Variants in NCALD observed in about 807,000 individuals in gnomAD.
The protein encoded by NCALD is neurocalcin-delta.
Under a neutral mutation model 18.6 loss-of-function variants are expected in NCALD, and 10 were observed. The ratio of observed to expected loss-of-function variants is 0.54; its 90% CI spans 0.33 to 0.91. The LOEUF is 0.91. Ranked by LOEUF, NCALD falls within the 40% of genes least tolerant of loss-of-function variation. The pLI, the probability that NCALD is intolerant of heterozygous loss-of-function variation, is 0.03. For missense variants in NCALD, 184 were observed against 247.6 expected, an observed-to-expected ratio of 0.74 and a Z score of 1.72; for synonymous variants, 88 against 87.4, an observed-to-expected ratio of 1.01 and a Z score of -0.04.
At chr8:101,992,294 T>A (rs1821077386) in intron 2 of NCALD, among the ~76,000 whole-genome samples, 1 of 152,210 alleles carries the variant, frequency 6.6e-6, no homozygotes, top group Non-Finnish European at 1.5e-5. Flanking sequence ...ACTTGATAAG[T>A]AACAGTATAT....
In NCALD at chr8:101,987,746, G is replaced by T. The variant is rs190978715; in HGVS notation, c.-157+32491C>A. On this transcript the variant is annotated intron_variant, in intron 2 of 6. Transcript: ENST00000311028. ...CTTTCCACCGACCTTGTCAAAACAC[G>T]CCTTTTCCATCACGAGAAGTAATAA... Among the ~76,000 whole-genome samples the T allele has an allele frequency of 3.9e-4, 60 of 152,094 alleles. 1 individual carries two copies. The highest frequency in any genetic ancestry group is 1.4e-3 in the African/African-American group (58 of 41,464).
chr8:102,045,104 C>A (rs1340611554), intron 1 of NCALD, among the ~76,000 whole-genome samples: 1 of 152,218 alleles, frequency 6.6e-6, no homozygotes, highest in Non-Finnish European at 1.5e-5. Flanking sequence ...TACAGTAATG[C>A]ACTGCTGCCA....
At chr8:101,803,996 T>A (rs1812964725) in intron 4 of NCALD, among the ~76,000 whole-genome samples, 1 of 152,152 alleles carries the variant, frequency 6.6e-6, no homozygotes, top group South Asian at 2.1e-4. Context: ...GTTGTCTTAT[T>A]TTAAGAAATA....
chr8:101,959,339 C>T (rs1256186488), intron 2 of NCALD, among the ~76,000 whole-genome samples: 4 of 152,086 alleles, frequency 2.6e-5, no homozygotes, highest in Non-Finnish European at 1.5e-5. Flanking sequence ...TCTATCTGGA[C>T]TTTGCAGGTG....
chr8:101,799,706 C>T (rs548560244), intron 4 of NCALD, among the ~76,000 whole-genome samples: 1 of 152,268 alleles, frequency 6.6e-6, no homozygotes, highest in South Asian at 2.1e-4. Context: ...ACTTCCGTAA[C>T]ATTCTTGAAA....
At chr8:101,801,767 C>T (rs1212841502) in intron 4 of NCALD, among the ~76,000 whole-genome samples, 5 of 148,146 alleles carry the variant, frequency 3.4e-5, no homozygotes, top group Admixed American at 1.4e-4. Context: ...CCCGGGTTCA[C>T]GCCATTCTCC....
intron 4 of NCALD, among the ~76,000 whole-genome samples, chr8:101,879,096 T>A (rs1337521034): frequency 6.6e-6 from 1 of 152,230 alleles, no homozygotes; most frequent in African/African-American, 2.4e-5. Context: ...AGTAAACTCA[T>A]CTCATTGAAT....
chr8:101,967,586 C>T (rs766226227), intron 2 of NCALD, among the ~76,000 whole-genome samples: 4 of 152,178 alleles, frequency 2.6e-5, no homozygotes, highest in Non-Finnish European at 5.9e-5. Context: ...GAGACAACTA[C>T]AGTTTTGCTG....
At chr8:101,973,400 A>G (rs1252713454) in intron 2 of NCALD, among the ~76,000 whole-genome samples, 1 of 152,188 alleles carries the variant, frequency 6.6e-6, no homozygotes, top group Admixed American at 6.5e-5. Flanking sequence ...TTCTATACTT[A>G]GACTGAGGTT....
chr8:101,741,965 A>G (rs1251932264), intron 1 of NCALD, among the ~76,000 whole-genome samples: 8 of 149,362 alleles, frequency 5.4e-5, no homozygotes, highest in Admixed American at 5.3e-4. Flanking sequence ...AAAAGAAAAA[A>G]AAAAAGGGCC....
chr8:101,999,612 C>T (rs141894479), intron 2 of NCALD, among the ~76,000 whole-genome samples: 21 of 151,656 alleles, frequency 1.4e-4, no homozygotes, highest in South Asian at 1.0e-3. Context: ...GAAATCACCA[C>T]GAAAGAACTT....
At chr8:101,910,358 G>T (rs1326997988) in intron 3 of NCALD, among the ~76,000 whole-genome samples, 1 of 138,706 alleles carries the variant, frequency 7.2e-6, no homozygotes, top group African/African-American at 3.0e-5. Context: ...TGGCAGGTGG[G>T]CATTGAGTGC....
chr8:101,940,688 A>G (rs1191810443), intron 2 of NCALD, among the ~76,000 whole-genome samples: 1 of 152,214 alleles, frequency 6.6e-6, no homozygotes, highest in African/African-American at 2.4e-5. Flanking sequence ...CCAGAAGGAG[A>G]CAAGCTCTAG....
At chr8:101,986,058 A>G (rs1385395530) in intron 2 of NCALD, among the ~76,000 whole-genome samples, 1 of 151,366 alleles carries the variant, frequency 6.6e-6, no homozygotes, top group East Asian at 1.9e-4. Context: ...TATTTTTTTG[A>G]GACAGAGTAT....
At chr8:101,944,995 C>T (rs995318519) in intron 2 of NCALD, among the ~76,000 whole-genome samples, 3 of 152,210 alleles carry the variant, frequency 2.0e-5, no homozygotes, top group Non-Finnish European at 4.4e-5. Context: ...AAAGAGAGAG[C>T]AACTGACATA....
At chr8:102,093,642 C>A (rs1824997675) in intron 1 of NCALD, among the ~76,000 whole-genome samples, 1 of 152,226 alleles carries the variant, frequency 6.6e-6, no homozygotes, top group South Asian at 2.1e-4. Context: ...CAAAAGCCAT[C>A]TTGGACTATA....
intron 2 of NCALD, among the ~76,000 whole-genome samples, chr8:101,976,227 C>T (rs1265011949): frequency 6.6e-6 from 1 of 152,148 alleles, no homozygotes; most frequent in East Asian, 1.9e-4. Context: ...TAAACCCTGC[C>T]CTCACTTTCA....
intron 1 of NCALD, among the ~76,000 whole-genome samples, chr8:101,756,447 C>G (rs1009391270): frequency 1.3e-5 from 2 of 152,176 alleles, no homozygotes; most frequent in African/African-American, 4.8e-5. Flanking sequence ...TCAGACTGTA[C>G]CTGGCCCGTG....
At chr8:101,853,160 T>G (rs976416893) in intron 4 of NCALD, among the ~76,000 whole-genome samples, 15 of 152,232 alleles carry the variant, frequency 9.9e-5, no homozygotes, top group Non-Finnish European at 2.2e-4. Context: ...TAGGGTTTCA[T>G]GAGCATTAAA....
Sources: allele counts gnomAD v4.1 joint callset (sites outside exome capture counted in the v4.1 genomes callset), GRCh38; gene constraint gnomAD v4.1.1; transcripts MANE v1.5; gene names NCBI Gene and HGNC (gene_info 2026-07-23, HGNC 2026-07-21).